EPB41: variants seen among roughly 807,000 people sequenced by gnomAD.
EPB41 encodes the protein erythrocyte membrane protein band 4.1.
Under a neutral mutation model 108.0 loss-of-function variants are expected in EPB41, and 65 were observed. The ratio of observed to expected loss-of-function variants is 0.60; its 90% CI spans 0.49 to 0.74. EPB41 has a LOEUF of 0.74. Ranked by LOEUF, EPB41 falls within the 30% of genes least tolerant of loss-of-function variation. The pLI is 0.00. For missense variants in EPB41, 875 were observed against 1,037.0 expected (o/e 0.84, Z 2.15); for synonymous variants, 336 against 358.9 (o/e 0.94, Z 0.72).
chr1:28,998,981 T>A (rs1387198658), intron 4 of EPB41, among the ~76,000 whole-genome samples: 1 of 152,216 alleles, frequency 6.6e-6, no homozygotes, highest in Admixed American at 6.5e-5. Flanking sequence ...AACTACTATT[T>A]CCCATTAGTA....
chr1:28,942,042 A>G (rs992554409), intron 1 of EPB41, among the ~76,000 whole-genome samples: 4 of 152,172 alleles, frequency 2.6e-5, no homozygotes, highest in African/African-American at 7.2e-5. Context: ...AATACTATAA[A>G]TATTTTGATG....
At chr1:29,068,759 GGAAA>G (rs1558221417) in intron 16 of EPB41, 2 of 1,231,926 alleles carry the variant, frequency 1.6e-6, no homozygotes, top group African/African-American at 1.6e-5. Flanking sequence ...TCCTACCCTC[GGAAA>G]GAAAGGTTGG....
At chr1:28,953,905 G>A (rs755096931) in intron 1 of EPB41, among the ~76,000 whole-genome samples, 17 of 152,188 alleles carry the variant, frequency 1.1e-4, no homozygotes, top group African/African-American at 3.4e-4. Context: ...TCAAGGTCGA[G>A]TCTGAGATTT....
At position 28,904,314 on chromosome 1, in the gene EPB41, C is replaced by T. The variant is rs369975368; in HGVS notation, c.-8+17104C>T. Among the ~76,000 whole-genome samples, 159 of 152,058 alleles carry T rather than the reference C, an allele frequency of 1.0e-3. 2 individuals are homozygous for T. The highest frequency in any genetic ancestry group is 1.9e-3 in the East Asian group (10 of 5,162). On this transcript the variant is annotated intron_variant, in intron 1 of 16. Transcript: ENST00000347529. The stretch of plus-strand genomic sequence containing the variant: ...GTGTGATGGATGAAGAAAGGTGGGA[C>T]CACTGTGTCCCCACTTCCAGGGAGG...
At chr1:28,946,526 T>C (rs2094495522) in intron 1 of EPB41, among the ~76,000 whole-genome samples, 1 of 152,240 alleles carries the variant, frequency 6.6e-6, no homozygotes, top group Admixed American at 6.5e-5. Context: ...CAATTTTGGA[T>C]ATTTTATATT....
intron 4 of EPB41, among the ~76,000 whole-genome samples, chr1:28,999,988 C>T (rs2096264281): frequency 6.6e-6 from 1 of 152,156 alleles, no homozygotes; most frequent in African/African-American, 2.4e-5. Context: ...CAGGGCCTCA[C>T]TATGTTGCTC....
intron 1 of EPB41, among the ~76,000 whole-genome samples, chr1:28,975,123 G>A (rs985127035): frequency 6.6e-6 from 1 of 151,764 alleles, no homozygotes; most frequent in Non-Finnish European, 1.5e-5. Context: ...GTAGAGATGG[G>A]GTTTTACCAT....
At chr1:29,079,123 G>A (rs1655333888) in intron 16 of EPB41, among the ~76,000 whole-genome samples, 1 of 151,866 alleles carries the variant, frequency 6.6e-6, no homozygotes, top group South Asian at 2.1e-4. Context: ...AGCCTCCAGA[G>A]TAGCTGGTAT....
intron 12 of EPB41, among the ~76,000 whole-genome samples, chr1:29,057,248 T>C (rs954664087): frequency 6.0e-5 from 9 of 151,098 alleles, no homozygotes; most frequent in Non-Finnish European, 1.3e-4. Flanking sequence ...TGGTGGCGGG[T>C]GCCTGTAGTC....
At chr1:28,939,474 G>A (rs747599903) in intron 1 of EPB41, among the ~76,000 whole-genome samples, 4 of 151,870 alleles carry the variant, frequency 2.6e-5, no homozygotes, top group Non-Finnish European at 5.9e-5. Context: ...TTGAGACGGA[G>A]TCTCAGCTGC....
At chr1:28,915,160 C>A (rs1258744748) in intron 1 of EPB41, among the ~76,000 whole-genome samples, 1 of 152,136 alleles carries the variant, frequency 6.6e-6, no homozygotes, top group African/African-American at 2.4e-5. Flanking sequence ...TTGCGTGCAG[C>A]CGCGGAGCGA....
intron 11 of EPB41, among the ~76,000 whole-genome samples, chr1:29,041,868 A>G (rs1320587627): frequency 6.6e-6 from 1 of 152,234 alleles, no homozygotes; most frequent in Non-Finnish European, 1.5e-5. Flanking sequence ...AGATGATGAT[A>G]GTATCATACT....
intron 17 of EPB41, 115 bp from the exon 18 acceptor site, chr1:29,109,221 C>A: frequency 2.5e-6 from 2 of 802,502 alleles, no homozygotes; most frequent in Non-Finnish European, 4.3e-6. Flanking sequence ...AGAGGTCATT[C>A]TAAGGGAATG....
intron 16 of EPB41, among the ~76,000 whole-genome samples, chr1:29,087,140 ACCATGTTAG>A (rs1460163203): frequency 6.6e-6 from 1 of 151,578 alleles, no homozygotes; most frequent in Admixed American, 6.6e-5. Flanking sequence ...ACAGGGTTTT[ACCATGTTAG>A]CCAGGATGGT....
Position 29,053,281 on chromosome 1 carries a change from A to C in EPB41, c.1814A>C (p.Gln605Pro). 1 of 1,614,226 alleles carries C rather than the reference A, an allele frequency of 6.2e-7. No homozygotes were observed. The highest frequency in any genetic ancestry group is 1.1e-5 in the South Asian group (1 of 91,082). Residue 605 changes from glutamine (Q) to proline (P), a missense_variant, in exon 12 of 21, where the codon CAA becomes CCA. Gln to Pro is a moderately conservative substitution (Grantham distance 76). Around this residue, in one of 3 missense-constraint regions of EPB41, gnomAD observed 519 missense variants for 627.3 expected, o/e 0.83. Transcript: ENST00000343067. ...AAAAAGGAAGACGAGCCACCTGAGCAAGCTGAGCCAGAGCCCACAGAAGCA... is the reference window on the plus strand; with the variant it reads ...AAAAAGGAAGACGAGCCACCTGAGCCAGCTGAGCCAGAGCCCACAGAAGCA... ...EVKKEDEPPE[Q>P]AEPEPTEAWK...
At chr1:29,103,167 CCAAA>C (rs1666028514) in intron 17 of EPB41, among the ~76,000 whole-genome samples, 1 of 152,154 alleles carries the variant, frequency 6.6e-6, no homozygotes, top group Non-Finnish European at 1.5e-5. Context: ...CCTCGACCTC[CCAAA>C]GTGCAGGGAT....
chr1:29,040,177 G>A (rs976335698), intron 11 of EPB41, among the ~76,000 whole-genome samples: 2 of 152,070 alleles, frequency 1.3e-5, no homozygotes. Context: ...AGGCCACAAA[G>A]TGAGACTCTG....
chr1:29,035,321 G>A (rs1639054662), intron 9 of EPB41, among the ~76,000 whole-genome samples: 1 of 152,076 alleles, frequency 6.6e-6, no homozygotes, highest in Admixed American at 6.6e-5. Context: ...TAGATGATAA[G>A]TATGTACAAT....
chr1:29,042,678 C>T (rs1410335593), intron 11 of EPB41, among the ~76,000 whole-genome samples: 3 of 151,898 alleles, frequency 2.0e-5, no homozygotes, highest in Admixed American at 6.6e-5. Flanking sequence ...GGGGTTTCAC[C>T]ATGTTGGCTA....
Sources: allele counts gnomAD v4.1 joint callset (sites outside exome capture counted in the v4.1 genomes callset), GRCh38; gene constraint gnomAD v4.1.1; regional missense constraint gnomAD v4.1.1; transcripts MANE v1.5; gene names NCBI Gene and HGNC (gene_info 2026-07-23, HGNC 2026-07-21).